The following LINGO2 variants were observed in gnomAD, a reference collection of about 807,000 sequenced individuals.
LINGO2 encodes the protein leucine-rich repeat and immunoglobulin-like domain-containing nogo receptor-interacting protein 2.
LINGO2 carries 14 observed loss-of-function variants against 30.6 expected under a neutral mutation model. The observed-to-expected ratio is 0.46, with a 90% confidence interval of 0.30 to 0.72. The LOEUF (loss-of-function observed/expected upper bound fraction) is 0.72. Ranked by LOEUF, LINGO2 falls within the 30% of genes least tolerant of loss-of-function variation. The pLI, the probability that LINGO2 is intolerant of heterozygous loss-of-function variation, is 0.07. For synonymous variants in LINGO2, 317 were observed against 288.5 expected (o/e 1.10, Z -1.00); for missense variants, 729 against 751.7 (o/e 0.97, Z 0.35).
chr9:28,636,394 G>T (rs905481891), intron 1 of LINGO2, among the ~76,000 whole-genome samples: 2 of 152,092 alleles, frequency 1.3e-5, no homozygotes, highest in Middle Eastern at 3.2e-3. Flanking sequence ...CGGAGGAATC[G>T]CCACACTGAC....
the LINGO2 span, among the ~76,000 whole-genome samples, chr9:28,997,204 G>T: frequency 1.3e-5 from 2 of 152,050 alleles, no homozygotes; most frequent in African/African-American, 4.8e-5. Context: ...CAAGGTGAGA[G>T]GACTGCTTGA....
At chr9:28,412,038 T>A (rs1161464803) in intron 2 of LINGO2, among the ~76,000 whole-genome samples, 1 of 152,022 alleles carries the variant, frequency 6.6e-6, no homozygotes, top group African/African-American at 2.4e-5. Context: ...GTGTACCCAT[T>A]ACCTGAGTAG....
chr9:28,368,809 G>C (rs921911673), intron 3 of LINGO2, among the ~76,000 whole-genome samples: 1 of 151,982 alleles, frequency 6.6e-6, no homozygotes, highest in African/African-American at 2.4e-5. Flanking sequence ...TGTTAGCCAG[G>C]ATGGTCTCGA....
chr9:28,552,516 G>A (rs73441456), intron 1 of LINGO2, among the ~76,000 whole-genome samples: 6,492 of 151,912 alleles, frequency 0.043, 346 homozygotes, highest in African/African-American at 0.12. Flanking sequence ...TTTGTATCCA[G>A]GGTACTGACT....
intron 4 of LINGO2, among the ~76,000 whole-genome samples, chr9:28,174,503 A>G (rs968409113): frequency 2.6e-5 from 4 of 152,140 alleles, no homozygotes; most frequent in African/African-American, 9.7e-5. Context: ...AGGTACACAC[A>G]CACAAACACA....
chr9:27,966,602 G>T (rs1488827375), intron 5 of LINGO2, among the ~76,000 whole-genome samples: 1 of 152,018 alleles, frequency 6.6e-6, no homozygotes, highest in East Asian at 1.9e-4. Flanking sequence ...GAGAGCATTA[G>T]GACAAATACC....
intron 1 of LINGO2, among the ~76,000 whole-genome samples, chr9:28,529,704 G>A (rs925823399): frequency 1.3e-4 from 19 of 151,576 alleles, no homozygotes; most frequent in Non-Finnish European, 2.5e-4. Context: ...GGTGGATCGG[G>A]TAGGTTGGAA....
intron 4 of LINGO2, among the ~76,000 whole-genome samples, chr9:28,233,732 CT>C (rs1051302955): frequency 2.6e-5 from 4 of 152,054 alleles, no homozygotes; most frequent in African/African-American, 9.7e-5. Context: ...TTTGTTTTGC[CT>C]TTTGGATGCC....
chr9:27,959,597 A>G (rs1032601171), intron 5 of LINGO2, among the ~76,000 whole-genome samples: 2 of 152,126 alleles, frequency 1.3e-5, no homozygotes, highest in Admixed American at 6.6e-5. Flanking sequence ...TCTTCTAAAT[A>G]TATCATTTCT....
At chr9:28,340,246 G>A (rs752498080) in intron 3 of LINGO2, among the ~76,000 whole-genome samples, 3 of 152,198 alleles carry the variant, frequency 2.0e-5, no homozygotes, top group East Asian at 3.9e-4. Flanking sequence ...AACTCATAAA[G>A]TTAGTATGAA....
At chr9:28,464,401 C>G (rs946049886) in intron 2 of LINGO2, among the ~76,000 whole-genome samples, 12 of 152,230 alleles carry the variant, frequency 7.9e-5, no homozygotes, top group African/African-American at 2.9e-4. Context: ...AATGAACATT[C>G]AATCTTCTGT....
At chr9:28,091,886 G>T (rs1422207428) in intron 4 of LINGO2, among the ~76,000 whole-genome samples, 1 of 152,176 alleles carries the variant, frequency 6.6e-6, no homozygotes, top group East Asian at 1.9e-4. Flanking sequence ...GTGGGTGAAG[G>T]ATATGAACAG....
Position 28,608,342 on chromosome 9 carries a change from CA to C in LINGO2, c.-365+61857del, listed in dbSNP as rs925273345. ...CTTTTCTGGAATGGACATTATTTTT[CA>C]AAAAAAAAGAATGAAGAGTTTGAAC... On this transcript the variant is annotated intron_variant, in intron 1 of 5. Coordinates refer to ENST00000379992, the Ensembl canonical transcript of LINGO2. 2.0e-3 allele frequency among the ~76,000 whole-genome samples: 302 copies of C among 149,752 alleles called. 3 individuals carry two copies. The highest frequency in any genetic ancestry group is 6.7e-3 in the African/African-American group (273 of 40,928).
chr9:29,006,172 C>T, the LINGO2 span, among the ~76,000 whole-genome samples: 42 of 151,616 alleles, frequency 2.8e-4, no homozygotes, highest in African/African-American at 8.7e-4. Context: ...CTGACAAGTA[C>T]ATAATTACAC....
chr9:28,063,435 A>AC (rs1563953486), intron 4 of LINGO2, among the ~76,000 whole-genome samples: 1 of 148,694 alleles, frequency 6.7e-6, no homozygotes, highest in Non-Finnish European at 1.5e-5. Context: ...TATTATCCAC[A>AC]TTTTTTTTTT....
intron 2 of LINGO2, among the ~76,000 whole-genome samples, chr9:28,399,851 A>T (rs1822188909): frequency 6.6e-6 from 1 of 152,200 alleles, no homozygotes; most frequent in Admixed American, 6.5e-5. Flanking sequence ...ACATATTTGC[A>T]GTGGGCAGAT....
Position 28,656,987 on chromosome 9 carries a change from C to T in LINGO2, c.-365+13213G>A, listed in dbSNP as rs566907809. 1.1e-4 allele frequency among the ~76,000 whole-genome samples: 17 copies of T among 152,188 alleles called. No individual in the cohort carries two copies. The East Asian group carries it at 3.3e-3, about 29-fold the overall frequency. ...AACTGAGTTCTCCAAACAGCAGCTA[C>T]ATGAGTGAGCCATTCTGCAAATGAA... is the stretch of plus-strand genomic sequence containing the variant. On this transcript the variant is annotated intron_variant, in intron 1 of 5. Coordinates refer to ENST00000379992, the Ensembl canonical transcript of LINGO2.
chr9:27,942,590 AAAC>A, the LINGO2 span: 1 of 152,138 alleles, frequency 6.6e-6, no homozygotes, highest in Non-Finnish European at 1.5e-5. Context: ...AATTTTTTGA[AAAC>A]AAAAACTTTC....
intron 2 of LINGO2, among the ~76,000 whole-genome samples, chr9:28,419,323 A>G (rs1445926253): frequency 6.6e-6 from 1 of 152,180 alleles, no homozygotes; most frequent in East Asian, 1.9e-4. Flanking sequence ...AACAAAGAAA[A>G]ACATTTATTG....
Sources: gnomAD v4.1 joint callset for allele counts (sites outside exome capture counted in the v4.1 genomes callset) on GRCh38, gnomAD v4.1.1 for gene constraint, MANE v1.5 for transcripts, NCBI Gene and HGNC (gene_info 2026-07-23, HGNC 2026-07-21) for gene names.